Variants in EPHA6 observed in about 807,000 individuals in gnomAD.
EPHA6 encodes the protein EPH receptor A6, also known as ephrin type-A receptor 6.
Under a neutral mutation model 112.0 loss-of-function variants are expected in EPHA6, and 50 were observed. The observed-to-expected ratio is 0.45, with a 90% CI of 0.36 to 0.56. The LOEUF (loss-of-function observed/expected upper bound fraction) is 0.56, where lower values mean the gene tolerates loss of function less well. Among genes scored for constraint, EPHA6 ranks in the 20% least tolerant of loss-of-function variants. The probability of loss-of-function intolerance (pLI) is 0.00; values close to 1 mark genes in which losing one functional copy is unlikely to be tolerated. For missense variants in EPHA6, 1,280 were observed against 1,417.4 expected (o/e 0.90, Z 1.56); for synonymous variants, 529 against 490.7 (o/e 1.08, Z -1.03).
intron 8 of EPHA6, among the ~76,000 whole-genome samples, chr3:97,478,140 G>T (rs558660736): frequency 9.9e-5 from 15 of 152,110 alleles, no homozygotes; most frequent in African/African-American, 3.6e-4. Flanking sequence ...ACGTTTAAAA[G>T]AAATTTAATA....
intron 6 of EPHA6, among the ~76,000 whole-genome samples, chr3:97,413,142 G>A (rs2087852014): frequency 6.6e-6 from 1 of 151,764 alleles, no homozygotes; most frequent in African/African-American, 2.4e-5. Context: ...ATGTAGCATT[G>A]CCATGAATTC....
chr3:97,406,150 C>G (rs1386803875), intron 6 of EPHA6, among the ~76,000 whole-genome samples: 3 of 152,066 alleles, frequency 2.0e-5, no homozygotes, highest in African/African-American at 7.2e-5. Context: ...CAAAGGAAAT[C>G]ATAAAGGAAT....
At chr3:97,364,889 C>T (rs2084627031) in intron 5 of EPHA6, among the ~76,000 whole-genome samples, 1 of 152,072 alleles carries the variant, frequency 6.6e-6, no homozygotes, top group South Asian at 2.1e-4. Flanking sequence ...CCTTTTAAAA[C>T]TATTGTAAGC....
At chr3:97,686,907 G>T (rs776354179) in intron 14 of EPHA6, among the ~76,000 whole-genome samples, 3 of 152,072 alleles carry the variant, frequency 2.0e-5, no homozygotes, top group Non-Finnish European at 4.4e-5. Context: ...TTTACCAGTG[G>T]CACAGCAAAA....
At chr3:97,651,460 T>C (rs942299978) in intron 14 of EPHA6, among the ~76,000 whole-genome samples, 4 of 152,184 alleles carry the variant, frequency 2.6e-5, no homozygotes, top group Admixed American at 2.6e-4. Context: ...ATAAAAATGA[T>C]TTATAAAATC....
At chr3:97,218,624 A>C (rs192274645) in intron 3 of EPHA6, among the ~76,000 whole-genome samples, 5 of 152,286 alleles carry the variant, frequency 3.3e-5, no homozygotes, top group African/African-American at 1.2e-4. Flanking sequence ...CCCTTGACAC[A>C]TAGGGATTAT....
chr3:97,302,460 T>C (rs1326807155), intron 5 of EPHA6, among the ~76,000 whole-genome samples: 1 of 151,372 alleles, frequency 6.6e-6, no homozygotes, highest in Admixed American at 6.6e-5. Flanking sequence ...TAGGCAATGA[T>C]ACTTTTAACC....
intron 2 of EPHA6, among the ~76,000 whole-genome samples, chr3:96,965,595 A>G (rs2042096209): frequency 6.6e-6 from 1 of 152,118 alleles, no homozygotes; most frequent in Admixed American, 6.6e-5. Context: ...GCTGCAAATA[A>G]CATATATAAA....
chr3:97,232,645 C>T (rs927981012), intron 4 of EPHA6, among the ~76,000 whole-genome samples: 1 of 152,086 alleles, frequency 6.6e-6, no homozygotes, highest in Non-Finnish European at 1.5e-5. Context: ...GAGACCAAGG[C>T]AAGTTTTAGA....
intron 5 of EPHA6, among the ~76,000 whole-genome samples, chr3:97,294,992 C>G (rs914145231): frequency 6.6e-6 from 1 of 152,088 alleles, no homozygotes; most frequent in African/African-American, 2.4e-5. Flanking sequence ...ATGCTTTTCT[C>G]TCACTGTTTT....
intron 5 of EPHA6, among the ~76,000 whole-genome samples, chr3:97,329,452 A>T (rs2082664737): frequency 6.7e-6 from 1 of 148,546 alleles, no homozygotes; most frequent in Non-Finnish European, 1.5e-5. Flanking sequence ...AAGTGTTCCT[A>T]TTTCTCCACA....
At chr3:97,654,336 C>T (rs1308788389) in intron 14 of EPHA6, among the ~76,000 whole-genome samples, 1 of 151,870 alleles carries the variant, frequency 6.6e-6, no homozygotes, top group Non-Finnish European at 1.5e-5. Flanking sequence ...TAAGTAATTA[C>T]AATCTGAGAT....
At chr3:97,511,548 C>G (rs2092365239) in intron 10 of EPHA6, among the ~76,000 whole-genome samples, 1 of 152,092 alleles carries the variant, frequency 6.6e-6, no homozygotes, top group African/African-American at 2.4e-5. Context: ...GAGTCGGGTA[C>G]CTCAGTTGGA....
chr3:97,187,661 A>T (rs1277612373), intron 3 of EPHA6, among the ~76,000 whole-genome samples: 1 of 137,064 alleles, frequency 7.3e-6, no homozygotes, highest in Non-Finnish European at 1.6e-5. Flanking sequence ...AAAGAAAGAA[A>T]GGAAAGAAAG....
intron 2 of EPHA6, among the ~76,000 whole-genome samples, chr3:96,930,965 C>T (rs1199673913): frequency 8.7e-6 from 1 of 114,294 alleles, no homozygotes; most frequent in Non-Finnish European, 1.7e-5. Flanking sequence ...GCACTACAGC[C>T]TGGGTGACAG....
At chr3:97,166,482 G>A (rs918428059) in intron 3 of EPHA6, among the ~76,000 whole-genome samples, 13 of 151,940 alleles carry the variant, frequency 8.6e-5, no homozygotes, top group African/African-American at 1.9e-4. Flanking sequence ...AAGTTAGGTT[G>A]GAAAGTCAAA....
At chr3:97,284,597 A>T (rs1459706274) in intron 5 of EPHA6, among the ~76,000 whole-genome samples, 1 of 152,156 alleles carries the variant, frequency 6.6e-6, no homozygotes, top group East Asian at 1.9e-4. Flanking sequence ...GTGACTGCTG[A>T]TTTCATACAC....
chr3:97,444,515 C>G (rs1323183613), intron 6 of EPHA6, among the ~76,000 whole-genome samples: 1 of 152,096 alleles, frequency 6.6e-6, no homozygotes, highest in Non-Finnish European at 1.5e-5. Context: ...TGTTCTAGAA[C>G]CTTATACATA....
At position 97,323,637 on chromosome 3, in the gene EPHA6, C is replaced by T. The variant is rs540704680; in HGVS notation, c.1606+79350C>T. On this transcript the variant is annotated intron_variant, in intron 5 of 17. Coordinates refer to ENST00000389672, the MANE Select transcript of EPHA6 (RefSeq NM_001080448.3). ...AGAAGACAAAGCTCTAGAAATCTAA[C>T]TATTTAATTCTATATTCAAATCCTC... Among the ~76,000 whole-genome samples the T allele has an allele frequency of 2.4e-3, 251 of 102,636 alleles. 1 individual carries two copies. The highest frequency in any genetic ancestry group is 3.0e-3 in the Non-Finnish European group (192 of 64,216). 67.3% of individuals were successfully genotyped at this position (102,636 alleles called of 152,430 possible).
Sources: allele counts gnomAD v4.1 joint callset (sites outside exome capture counted in the v4.1 genomes callset), GRCh38; gene constraint gnomAD v4.1.1; transcripts MANE v1.5; gene names NCBI Gene and HGNC (gene_info 2026-07-23, HGNC 2026-07-21).